The following MAPKAP1 variants were observed in gnomAD, a reference collection of about 807,000 sequenced individuals.
The protein encoded by MAPKAP1 is target of rapamycin complex 2 subunit MAPKAP1.
Under a neutral mutation model 65.7 loss-of-function variants are expected in MAPKAP1, and 20 were observed. The ratio of observed to expected loss-of-function variants is 0.30; its 90% CI spans 0.21 to 0.44. The LOEUF (loss-of-function observed/expected upper bound fraction) is 0.44. MAPKAP1 is among the 20% of genes least tolerant of loss of function. The probability of loss-of-function intolerance (pLI) is 1.00; values close to 1 mark genes in which losing one functional copy is unlikely to be tolerated. For missense variants in MAPKAP1, 423 were observed against 648.0 expected, an observed-to-expected ratio of 0.65 and a Z score of 3.77; for synonymous variants, 222 against 244.3, an observed-to-expected ratio of 0.91 and a Z score of 0.85.
At chr9:125,617,471 C>A (rs377366049) in intron 4 of MAPKAP1, among the ~76,000 whole-genome samples, 1 of 152,082 alleles carries the variant, frequency 6.6e-6, no homozygotes, top group Admixed American at 6.5e-5. Flanking sequence ...TAAAATAAAT[C>A]TTTTTAAAAG....
chr9:125,672,524 T>C lies in MAPKAP1; in HGVS notation c.51A>G (p.Ser17=), dbSNP rs1834526363. The C allele has an allele frequency of 6.2e-7, 1 of 1,614,180 alleles. No individual in the cohort carries two copies. Among genetic ancestry groups the C allele is most frequent in the Non-Finnish European group, 8.5e-7 (1 of 1,180,026 alleles). ...PTIILAHIRQ[S]HVTSDDTGMC... is the part of the protein sequence containing the mutation. ...TTCCCGTGTCATCACTGGTCACATGTGACTGTCGAATATGAGCTAGAATGA... is the reference window on the plus strand; with the variant it reads ...TTCCCGTGTCATCACTGGTCACATGCGACTGTCGAATATGAGCTAGAATGA... Residue 17 remains serine (S), a synonymous_variant, in exon 2 of 12, where the codon TCA becomes TCG. Coordinates refer to ENST00000265960, the MANE Select transcript of MAPKAP1 (RefSeq NM_001006617.3).
intron 4 of MAPKAP1, among the ~76,000 whole-genome samples, chr9:125,609,939 C>T (rs1376518303): frequency 1.3e-5 from 2 of 152,158 alleles, no homozygotes; most frequent in African/African-American, 4.8e-5. Flanking sequence ...CCCTATTTTA[C>T]AGATAAACTG....
rs77420220 is a variant in MAPKAP1, at chr9:125,438,447, G to T, written c.*440C>A. 7.5e-6 allele frequency: 3 copies of T among 399,772 alleles called. No individual in the cohort carries two copies. Among genetic ancestry groups the T allele is most frequent in the Admixed American group, 4.4e-5 (1 of 22,818 alleles). 24.8% of individuals were successfully genotyped at this position (399,772 alleles called of 1,614,324 possible). On this transcript the variant is annotated 3_prime_UTR_variant, in exon 12 of 12. Coordinates refer to ENST00000265960, the MANE Select transcript of MAPKAP1 (RefSeq NM_001006617.3). The stretch of plus-strand genomic sequence containing the variant: ...AACATAATCAATCCTCCGCCCCAAA[G>T]AATGGTCCATCATACCAACCATGAT...
rs867261508 is a variant in MAPKAP1, at chr9:125,629,076, C to T, written c.498+28575G>A. Among the ~76,000 whole-genome samples, 22 of 152,008 alleles carry T rather than the reference C, an allele frequency of 1.4e-4. No individual in the cohort carries two copies. In the South Asian group the frequency reaches 3.3e-3, roughly 23 times the overall value. On this transcript the variant is annotated intron_variant, in intron 4 of 11. Coordinates refer to ENST00000265960, the MANE Select transcript of MAPKAP1 (RefSeq NM_001006617.3). Reference sequence around the variant, plus strand: ...CAAAACACACACACACACACACACACACACACACACACACACCAGAAAATA... The same window carrying T: ...CAAAACACACACACACACACACACATACACACACACACACACCAGAAAATA...
At chr9:125,441,047 C>T (rs1485670371) in intron 11 of MAPKAP1, among the ~76,000 whole-genome samples, 1 of 152,112 alleles carries the variant, frequency 6.6e-6, no homozygotes, top group Non-Finnish European at 1.5e-5. Context: ...ATAAAAACGC[C>T]CTTTGCTCTG....
intron 4 of MAPKAP1, among the ~76,000 whole-genome samples, chr9:125,644,520 T>C (rs1244024721): frequency 6.6e-6 from 1 of 152,232 alleles, no homozygotes; most frequent in Non-Finnish European, 1.5e-5. Flanking sequence ...GTCACACCTA[T>C]ACATCCTTTT....
Position 125,444,498 on chromosome 9 carries a change from C to A in MAPKAP1, c.1443+3G>T, listed in dbSNP as rs1292597002. The A allele has an allele frequency of 6.2e-7, 1 of 1,608,362 alleles. No homozygotes were observed. Among genetic ancestry groups the A allele is most frequent in the Non-Finnish European group, 8.5e-7 (1 of 1,175,886 alleles). ...TGTCTCTGGTTCAAGAAGGAATACT[C>A]ACCTTGAGCACAATTTCATTGACGG... On this transcript the variant is annotated splice_donor_region_variant and intron_variant, in intron 11 of 11. Coordinates refer to ENST00000265960, the MANE Select transcript of MAPKAP1 (RefSeq NM_001006617.3).
At chr9:125,576,654 G>A (rs986975485) in intron 5 of MAPKAP1, among the ~76,000 whole-genome samples, 27 of 152,320 alleles carry the variant, frequency 1.8e-4, no homozygotes, top group Admixed American at 6.5e-5. Flanking sequence ...GAGTGCCTGC[G>A]ACTGCAGGCG....
At chr9:125,452,773 C>T (rs1361198032) in intron 10 of MAPKAP1, among the ~76,000 whole-genome samples, 1 of 151,828 alleles carries the variant, frequency 6.6e-6, no homozygotes, top group African/African-American at 2.4e-5. Context: ...GTGCCTGAGG[C>T]TGGGCTGGGA....
chr9:125,478,545 G>C (rs554898983), intron 9 of MAPKAP1, among the ~76,000 whole-genome samples: 47 of 152,218 alleles, frequency 3.1e-4, no homozygotes, highest in African/African-American at 9.9e-4. Flanking sequence ...GTCCAGACTG[G>C]TCTTGAATTC....
At chr9:125,680,227 T>G (rs1401003817) in intron 1 of MAPKAP1, among the ~76,000 whole-genome samples, 1 of 152,044 alleles carries the variant, frequency 6.6e-6, no homozygotes, top group Non-Finnish European at 1.5e-5. Flanking sequence ...CAACAAGGAA[T>G]GATTACAAGT....
intron 1 of MAPKAP1, among the ~76,000 whole-genome samples, chr9:125,686,217 C>T (rs1437885847): frequency 5.3e-5 from 8 of 150,070 alleles, no homozygotes; most frequent in African/African-American, 7.3e-5. Context: ...CAGGCTGAGG[C>T]GGGAGAACGG....
chr9:125,664,139 G>A (rs1304616931), intron 3 of MAPKAP1, among the ~76,000 whole-genome samples: 9 of 152,000 alleles, frequency 5.9e-5, no homozygotes, highest in African/African-American at 1.9e-4. Flanking sequence ...CTGATGTCAG[G>A]AGTTCGAGAC....
rs1834589609 is a variant in MAPKAP1, at chr9:125,674,528, T to C, written c.-69-1885A>G. Among the ~76,000 whole-genome samples the C allele has an allele frequency of 2.0e-5, 3 of 152,354 alleles. No individual in the cohort carries two copies. The South Asian group carries it at 6.2e-4, about 32-fold the overall frequency. On this transcript the variant is annotated intron_variant, in intron 1 of 11. Transcript: ENST00000265960. ...AGATACTTACTTTCAGAAGGACTTA[T>C]AACACCAGATTTTCTTGTAATCTGT...
chr9:125,692,861 T>C (rs1016843167), intron 1 of MAPKAP1, among the ~76,000 whole-genome samples: 3 of 152,088 alleles, frequency 2.0e-5, no homozygotes, highest in Non-Finnish European at 4.4e-5. Flanking sequence ...AAATTCCTCA[T>C]GCAAAAATGG....
chr9:125,588,643 C>CTATT (rs1258115821), intron 4 of MAPKAP1, among the ~76,000 whole-genome samples: 10 of 152,224 alleles, frequency 6.6e-5, no homozygotes, highest in African/African-American at 1.9e-4. Context: ...CTCACCTGAA[C>CTATT]TATTGTAACA....
chr9:125,452,855 G>A (rs1589202039), intron 10 of MAPKAP1, among the ~76,000 whole-genome samples: 1 of 151,908 alleles, frequency 6.6e-6, no homozygotes, highest in Non-Finnish European at 1.5e-5. Flanking sequence ...ACTGGCCACT[G>A]TACTCCAGCG....
In MAPKAP1 at chr9:125,499,217, A is replaced by G. The variant is rs181502184; in HGVS notation, c.1066+7093T>C. On this transcript the variant is annotated intron_variant, in intron 8 of 11. Transcript: ENST00000265960. ...TGATCAGAATTTAGTCCACATCTAC[A>G]ATGGCTTTAAGGATAGGGAGGCTGT... 1.9e-3 allele frequency among the ~76,000 whole-genome samples: 284 copies of G among 152,294 alleles called. 5 individuals are homozygous for G. The highest frequency in any genetic ancestry group is 3.1e-3 in the Non-Finnish European group (212 of 68,028).
intron 7 of MAPKAP1, among the ~76,000 whole-genome samples, chr9:125,521,034 C>T (rs547141155): frequency 9.6e-4 from 147 of 152,344 alleles, no homozygotes; most frequent in African/African-American, 3.3e-3. Flanking sequence ...CCACAACACA[C>T]AGGCCTAAGT....
Sources: gnomAD v4.1 joint callset for allele counts (sites outside exome capture counted in the v4.1 genomes callset) on GRCh38, gnomAD v4.1.1 for gene constraint, MANE v1.5 for transcripts, NCBI Gene and HGNC (gene_info 2026-07-23, HGNC 2026-07-21) for gene names.